The following SMARCA2 variants were observed in gnomAD, a reference collection of about 807,000 sequenced individuals.
SMARCA2 encodes SWI/SNF-related matrix-associated actin-dependent regulator of chromatin subfamily A member 2.
In SMARCA2, 61 loss-of-function variants were observed where a neutral mutation model predicts 199.8. The observed-to-expected ratio is 0.31, with a 90% CI of 0.25 to 0.38. The LOEUF (loss-of-function observed/expected upper bound fraction) is 0.38, where lower values mean the gene tolerates loss of function less well. Ranked by LOEUF, SMARCA2 falls within the 10% of genes least tolerant of loss-of-function variation. The probability of loss-of-function intolerance (pLI) is 1.00; values close to 1 mark genes in which losing one functional copy is unlikely to be tolerated. For missense variants in SMARCA2, 1,344 were observed against 2,012.2 expected, an observed-to-expected ratio of 0.67 and a Z score of 6.35; for synonymous variants, 935 against 732.0, an observed-to-expected ratio of 1.28 and a Z score of -4.48.
chr9:2,058,071 A>C (rs2130350546), intron 7 of SMARCA2: 1 of 446,888 alleles, frequency 2.2e-6, no homozygotes, highest in African/African-American at 2.0e-5. Flanking sequence ...TCTCTTGCTA[A>C]AGCTTACAAC....
At chr9:2,051,821 A>T (rs1038144186) in intron 5 of SMARCA2, among the ~76,000 whole-genome samples, 2 of 151,936 alleles carry the variant, frequency 1.3e-5, no homozygotes, top group African/African-American at 2.4e-5. Context: ...TCTCAGTTTT[A>T]TTTTTTCCCT....
At chr9:2,156,985 C>A (rs1279536211) in intron 27 of SMARCA2, among the ~76,000 whole-genome samples, 1 of 152,062 alleles carries the variant, frequency 6.6e-6, no homozygotes, top group Non-Finnish European at 1.5e-5. Context: ...GATTTTATGT[C>A]AGTTTTTCTA....
At chr9:2,028,169 G>A (rs914590744) in intron 1 of SMARCA2, among the ~76,000 whole-genome samples, 1 of 152,202 alleles carries the variant, frequency 6.6e-6, no homozygotes, top group African/African-American at 2.4e-5. Flanking sequence ...CCAGGTCTGG[G>A]ACAAATCCCT....
At chr9:2,153,203 C>T (rs1298764629) in intron 27 of SMARCA2, among the ~76,000 whole-genome samples, 2 of 152,134 alleles carry the variant, frequency 1.3e-5, no homozygotes, top group African/African-American at 4.8e-5. Context: ...TATTCTATAT[C>T]GTAAGTTATT....
rs1391958905 is a variant in SMARCA2 at position 2,047,409 on chromosome 9, A to G, written c.971A>G (p.Lys324Arg). 1 of 1,591,104 alleles carries G rather than the reference A, an allele frequency of 6.3e-7. No homozygotes were observed. The highest frequency in any genetic ancestry group is 8.5e-7 in the Non-Finnish European group (1 of 1,169,738). ...QPSPVLQLQQ[K>R]QSRISPIQKP... is the part of the protein sequence containing the mutation. ...TCGCCCGTCCTCCAGCTGCAGCAGA[A>G]GCAGAGCCGCATCAGCCCCATCCAG... The change falls in exon 5 of 34, where the codon AAG becomes AGG. Residue 324 changes from lysine (K) to arginine (R), a missense_variant. By Grantham distance (26) the Lys-to-Arg change is conservative. This residue lies in a region of SMARCA2 where 155 missense variants were observed against 260.0 expected (regional missense o/e 0.60). Transcript: ENST00000349721.
intron 27 of SMARCA2, among the ~76,000 whole-genome samples, chr9:2,144,321 A>G (rs1314851562): frequency 6.6e-6 from 1 of 152,050 alleles, no homozygotes; most frequent in African/African-American, 2.4e-5. Flanking sequence ...GTGACTGTTA[A>G]ACTTTCTTGG....
Position 2,126,833 on chromosome 9 carries a change from C to T in SMARCA2, c.3981+2896C>T, listed in dbSNP as rs75683313. Among the ~76,000 whole-genome samples the T allele has an allele frequency of 2.0e-3, 310 of 152,340 alleles. 1 individual carries two copies. The highest frequency in any genetic ancestry group is 7.3e-3 in the African/African-American group (303 of 41,580). On this transcript the variant is annotated intron_variant, in intron 27 of 33. Transcript: ENST00000349721. Reference sequence around the variant, plus strand: ...TGGCCACCCCTAGAAGGAAAAACTACCTTTTTGTCTGTGTAGCCCCTCCAG... The same window carrying T: ...TGGCCACCCCTAGAAGGAAAAACTATCTTTTTGTCTGTGTAGCCCCTCCAG...
intron 23 of SMARCA2, among the ~76,000 whole-genome samples, chr9:2,108,692 TGATA>T (rs747408704): frequency 6.6e-6 from 1 of 152,152 alleles, no homozygotes; most frequent in South Asian, 2.1e-4. Context: ...GCTGGAAAGA[TGATA>T]GAGAAGGTTT....
intron 3 of SMARCA2, among the ~76,000 whole-genome samples, chr9:2,038,234 G>T (rs1186763190): frequency 6.6e-6 from 1 of 152,090 alleles, no homozygotes. Flanking sequence ...TGTGACTTTG[G>T]GTAACTGGTT....
At chr9:2,129,522 C>A (rs545632167) in intron 27 of SMARCA2, among the ~76,000 whole-genome samples, 2 of 152,208 alleles carry the variant, frequency 1.3e-5, no homozygotes, top group African/African-American at 4.8e-5. Flanking sequence ...ATCAGTCCTC[C>A]AGCTCATCAG....
In SMARCA2 at chr9:2,081,789, T is replaced by A. The variant is rs372398584; in HGVS notation, c.2185-43T>A. 2.5e-6 allele frequency: 4 copies of A among 1,582,088 alleles called. No individual in the cohort carries two copies. In the South Asian group the frequency reaches 4.5e-5, roughly 18 times the overall value. On this transcript the variant is annotated intron_variant, in intron 14 of 33. Transcript: ENST00000349721. Reference sequence around the variant, plus strand: ...TTGGGTTGTATTAGGATTAATTACCTGTGCAGATCTTGGATAATTGAAGCA... The same window carrying A: ...TTGGGTTGTATTAGGATTAATTACCAGTGCAGATCTTGGATAATTGAAGCA...
At chr9:2,099,557 T>C (rs1822417116) in intron 21 of SMARCA2, among the ~76,000 whole-genome samples, 2 of 152,074 alleles carry the variant, frequency 1.3e-5, no homozygotes, top group African/African-American at 4.8e-5. Flanking sequence ...AAGTTGAAGG[T>C]GCATGCCCTT....
rs867979911 is a variant in SMARCA2 at position 2,016,097 on chromosome 9, G to C, written c.-37+693G>C. 2.6e-5 allele frequency: 4 copies of C among 152,344 alleles called. No individual in the cohort carries two copies. Among genetic ancestry groups the C allele is most frequent in the Non-Finnish European group, 5.9e-5 (4 of 68,140 alleles). The allele number at this position is 152,344 out of a possible 1,614,324, so 9.4% of individuals were successfully genotyped here. On this transcript the variant is annotated intron_variant, in intron 1 of 33. Coordinates refer to ENST00000349721, the MANE Select transcript of SMARCA2 (RefSeq NM_003070.5). The surrounding 1 kb of genome is among the most constrained non-coding windows in gnomAD (Gnocchi z 5.6). The stretch of plus-strand genomic sequence containing the variant: ...ACGTGAGCGGATCGCAGCGGGAGAA[G>C]CCTGAGCTGACGCGCGAAGGAGGTA...
intron 29 of SMARCA2, among the ~76,000 whole-genome samples, chr9:2,172,941 A>C (rs1826337265): frequency 6.6e-6 from 1 of 152,190 alleles, no homozygotes; most frequent in South Asian, 2.1e-4. Context: ...ATACATTAGG[A>C]GAATGTTGTC....
In SMARCA2 at chr9:2,140,721, C is replaced by G. The variant is rs548084655; in HGVS notation, c.3981+16784C>G. 1.8e-4 allele frequency among the ~76,000 whole-genome samples: 27 copies of G among 152,236 alleles called. No homozygotes were observed. The South Asian group carries it at 2.5e-3, about 14-fold the overall frequency. On this transcript the variant is annotated intron_variant, in intron 27 of 33. Coordinates refer to ENST00000349721, the MANE Select transcript of SMARCA2 (RefSeq NM_003070.5). ...AGAAGGAGCCAAGAAAAATCATGGA[C>G]AGAGTTATTTTGGTGCCATTACATT... is the stretch of plus-strand genomic sequence containing the variant.
Position 2,084,370 on chromosome 9 carries a change from CTGTGTGTGTGTGTGTG to C in SMARCA2, c.2526+206_2526+221del, listed in dbSNP as rs3057851. ...GGTCGTGGATTTGATTTCATGCATG[CTGTGTGTGTGTGTGTG>C]TGTGTGTGTGTGTGTGTGTGTGTGT... On this transcript the variant is annotated intron_variant, in intron 17 of 33. Transcript: ENST00000349721. Among the ~76,000 whole-genome samples, 892 of 132,424 alleles carry C rather than the reference CTGTGTGTGTGTGTGTG, an allele frequency of 6.7e-3. 8 individuals are homozygous for C. The highest frequency in any genetic ancestry group is 0.03 in the Middle Eastern group (8 of 264). 86.9% of individuals were successfully genotyped at this position (132,424 alleles called of 152,430 possible). A position where few individuals can be genotyped will look rare whatever the true frequency, so the allele number is the denominator to read the frequency against.
intron 27 of SMARCA2, among the ~76,000 whole-genome samples, chr9:2,125,084 G>A (rs1413409926): frequency 6.6e-6 from 1 of 152,186 alleles, no homozygotes; most frequent in Non-Finnish European, 1.5e-5. Context: ...AGAATTTTGA[G>A]ATTAGATACC....
chr9:2,171,848 C>T (rs1305913519), intron 29 of SMARCA2, among the ~76,000 whole-genome samples: 1 of 152,200 alleles, frequency 6.6e-6, no homozygotes, highest in Non-Finnish European at 1.5e-5. Flanking sequence ...TGCCCTCTTC[C>T]ATCAAGATGG....
At chr9:2,120,415 T>C (rs1823405952) in intron 26 of SMARCA2, among the ~76,000 whole-genome samples, 1 of 152,166 alleles carries the variant, frequency 6.6e-6, no homozygotes, top group Non-Finnish European at 1.5e-5. Flanking sequence ...TCGCCAGAAA[T>C]GACAAATTTT....
Sources: gnomAD v4.1 joint callset for allele counts (sites outside exome capture counted in the v4.1 genomes callset) on GRCh38, gnomAD v4.1.1 for gene constraint, gnomAD v4.1.1 regional missense constraint, Gnocchi (gnomAD v3.1) non-coding constraint, MANE v1.5 for transcripts, NCBI Gene and HGNC (gene_info 2026-07-23, HGNC 2026-07-21) for gene names.